Variants in SPIDR observed in about 807,000 individuals in gnomAD.
SPIDR encodes the protein scaffold protein involved in DNA repair.
A neutral mutation model predicts 104.6 loss-of-function variants in SPIDR; 93 were observed. The ratio of observed to expected loss-of-function variants is 0.89; its 90% CI spans 0.75 to 1.06. SPIDR has a LOEUF of 1.06. Ranked by LOEUF, SPIDR falls within the 50% of genes least tolerant of loss-of-function variation. SPIDR has a pLI of 0.00. For missense variants in SPIDR, 1,154 were observed against 1,111.2 expected (o/e 1.04, Z -0.55); for synonymous variants, 431 against 416.9 (o/e 1.03, Z -0.41).
At chr8:47,719,541 GT>G (rs1336977577) in intron 16 of SPIDR, among the ~76,000 whole-genome samples, 1 of 152,092 alleles carries the variant, frequency 6.6e-6, no homozygotes, top group African/African-American at 2.4e-5. Flanking sequence ...ATAAGCACCA[GT>G]TGTGTCTGGC....
chr8:47,408,062 G>T, intron 7 of SPIDR, 101 bp downstream of exon 7: 1 of 592,814 alleles, frequency 1.7e-6, no homozygotes, highest in Middle Eastern at 4.2e-4. Context: ...ATATTTTCAT[G>T]ACTTTTTAAA....
At chr8:47,498,269 T>A (rs925052063) in intron 8 of SPIDR, among the ~76,000 whole-genome samples, 1 of 152,154 alleles carries the variant, frequency 6.6e-6, no homozygotes. Flanking sequence ...TTCCTTTGCA[T>A]CATTCTGGTA....
rs200235091 is a variant in SPIDR at position 47,701,841 on chromosome 8, C to T, written c.1894C>T (p.Arg632Cys). 9.9e-6 allele frequency: 16 copies of T among 1,614,050 alleles called. No homozygotes were observed. The highest frequency in any genetic ancestry group is 6.7e-5 in the East Asian group (3 of 44,886). Residue 632 changes from arginine to cysteine, a missense_variant, in exon 13 of 20, where the codon CGC (arginine) becomes TGC (cysteine). Arg to Cys is a radical substitution (Grantham distance 180, BLOSUM62 -3). Transcript: ENST00000297423. ...IYKLYQPPVT[R>C]CLRDILQMND... ...TAAGCTTTACCAGCCTCCAGTTACCCGCTGCTTAAGAGACATTCTCCAGGT... is the reference window on the plus strand; with the variant it reads ...TAAGCTTTACCAGCCTCCAGTTACCTGCTGCTTAAGAGACATTCTCCAGGT...
At chr8:47,648,265 G>A (rs2070943500) in intron 10 of SPIDR, among the ~76,000 whole-genome samples, 1 of 152,182 alleles carries the variant, frequency 6.6e-6, no homozygotes, top group Non-Finnish European at 1.5e-5. Flanking sequence ...AGGATTCTAA[G>A]GTTTGGGCAA....
intron 11 of SPIDR, among the ~76,000 whole-genome samples, chr8:47,689,524 T>C (rs2078321555): frequency 6.6e-6 from 1 of 152,234 alleles, no homozygotes; most frequent in African/African-American, 2.4e-5. Context: ...AAGATTTTAC[T>C]CTATGCCATA....
intron 7 of SPIDR, among the ~76,000 whole-genome samples, chr8:47,431,248 C>T (rs2067315723): frequency 6.6e-6 from 1 of 152,180 alleles, no homozygotes; most frequent in Non-Finnish European, 1.5e-5. Flanking sequence ...CCTGTCAGAT[C>T]AGGCTACCCT....
At chr8:47,334,216 C>G (rs1295006158) in intron 5 of SPIDR, among the ~76,000 whole-genome samples, 1 of 151,952 alleles carries the variant, frequency 6.6e-6, no homozygotes, top group Admixed American at 6.6e-5. Flanking sequence ...ATGAATGTTC[C>G]ATGTAATCTA....
intron 8 of SPIDR, among the ~76,000 whole-genome samples, chr8:47,567,222 T>A (rs1564354944): frequency 1.3e-5 from 2 of 148,944 alleles, no homozygotes; most frequent in African/African-American, 5.0e-5. Flanking sequence ...TATATATATA[T>A]ATATATTTTT....
intron 5 of SPIDR, among the ~76,000 whole-genome samples, chr8:47,300,430 G>C (rs2041853166): frequency 1.3e-5 from 2 of 151,958 alleles, no homozygotes; most frequent in African/African-American, 4.8e-5. Flanking sequence ...TTTTTTGAAG[G>C]GTTTTTTGTG....
chr8:47,479,495 G>C (rs1295080751), intron 8 of SPIDR, among the ~76,000 whole-genome samples: 3 of 152,202 alleles, frequency 2.0e-5, no homozygotes, highest in Non-Finnish European at 4.4e-5. Context: ...TCTGTCTCAA[G>C]GTCATAAACA....
intron 10 of SPIDR, among the ~76,000 whole-genome samples, chr8:47,613,288 A>G (rs1373425977): frequency 2.6e-5 from 4 of 152,206 alleles, no homozygotes; most frequent in African/African-American, 9.7e-5. Flanking sequence ...ACTTAGGATA[A>G]TGTTTTCAAG....
In SPIDR at chr8:47,541,336, T is replaced by C. The variant is rs143453660; in HGVS notation, c.1098-54475T>C. On this transcript the variant is annotated intron_variant, in intron 8 of 19. Coordinates refer to ENST00000297423, the MANE Select transcript of SPIDR (RefSeq NM_001080394.4). ...CACCAGTAAGATGCTGAGCTGGGGC[T>C]CCAGCCTGGGTCTTTCTGACTCAGA... Among the ~76,000 whole-genome samples, 578 of 152,348 alleles carry C rather than the reference T, an allele frequency of 3.8e-3. 4 individuals are homozygous for C. The highest frequency in any genetic ancestry group is 0.013 in the African/African-American group (551 of 41,580).
At position 47,262,002 on chromosome 8, in the gene SPIDR, A is replaced by G. The variant is rs1014221473; in HGVS notation, c.33+1011A>G. Among the ~76,000 whole-genome samples the G allele has an allele frequency of 3.9e-5, 6 of 152,206 alleles. No homozygotes were observed. In the East Asian group the frequency reaches 7.7e-4, roughly 20 times the overall value. On this transcript the variant is annotated intron_variant, in intron 1 of 19. Transcript: ENST00000297423. ...CACCTGCTTTTATTTCTTTTGGAAC[A>G]TCCATGATTGTTTTCCTGTCTTGCA...
intron 11 of SPIDR, among the ~76,000 whole-genome samples, chr8:47,687,171 A>C (rs2077934349): frequency 6.6e-6 from 1 of 152,218 alleles, no homozygotes; most frequent in Non-Finnish European, 1.5e-5. Context: ...CATTTGTAAA[A>C]GGCCTCAGAT....
At chr8:47,552,750 G>T (rs538274787) in intron 8 of SPIDR, among the ~76,000 whole-genome samples, 2 of 152,242 alleles carry the variant, frequency 1.3e-5, no homozygotes, top group South Asian at 4.1e-4. Context: ...GGAGCATTTA[G>T]CCCATTTACA....
chr8:47,295,991 G>T (rs2040773467), intron 5 of SPIDR, among the ~76,000 whole-genome samples: 1 of 152,148 alleles, frequency 6.6e-6, no homozygotes, highest in Non-Finnish European at 1.5e-5. Context: ...CAGGTGTGAG[G>T]TGATCCCTCA....
chr8:47,449,541 A>AG (rs2071315530), intron 8 of SPIDR, among the ~76,000 whole-genome samples: 3 of 152,230 alleles, frequency 2.0e-5, no homozygotes, highest in Admixed American at 1.3e-4. Context: ...CTCCTATTGA[A>AG]GAGACCAAAG....
At chr8:47,466,900 A>AAAAATATATAT (rs34970317) in intron 8 of SPIDR, among the ~76,000 whole-genome samples, 3 of 114,368 alleles carry the variant, frequency 2.6e-5, no homozygotes, top group African/African-American at 1.1e-4. Flanking sequence ...AAAAAAAAAA[A>AAAAATATATAT]ATATATATAT....
At chr8:47,580,192 T>G (rs1351352880) in intron 8 of SPIDR, among the ~76,000 whole-genome samples, 1 of 152,242 alleles carries the variant, frequency 6.6e-6, no homozygotes, top group African/African-American at 2.4e-5. Flanking sequence ...TATCCACTGC[T>G]AATGATTGTG....
Sources: gnomAD v4.1 joint callset for allele counts (sites outside exome capture counted in the v4.1 genomes callset) on GRCh38, gnomAD v4.1.1 for gene constraint, MANE v1.5 for transcripts, NCBI Gene and HGNC (gene_info 2026-07-23, HGNC 2026-07-21) for gene names.